CDH22: variants seen among roughly 807,000 people sequenced by gnomAD.
CDH22 encodes cadherin 22.
A neutral mutation model predicts 58.4 loss-of-function variants in CDH22; 30 were observed. That is an observed-to-expected ratio of 0.51 (90% confidence interval 0.38 to 0.70). The LOEUF is 0.70. Among genes scored for constraint, CDH22 ranks in the 30% least tolerant of loss-of-function variants. The probability of loss-of-function intolerance (pLI) is 0.00; values close to 1 mark genes in which losing one functional copy is unlikely to be tolerated. For synonymous variants in CDH22, 513 were observed against 558.2 expected, an observed-to-expected ratio of 0.92 and a Z score of 1.14; for missense variants, 1,014 against 1,233.9, an observed-to-expected ratio of 0.82 and a Z score of 2.67.
At chr20:46,282,273 G>C (rs1191489117) in intron 1 of CDH22, among the ~76,000 whole-genome samples, 1 of 152,232 alleles carries the variant, frequency 6.6e-6, no homozygotes, top group African/African-American at 2.4e-5. Context: ...TGGCAGGTTA[G>C]ATTCCACAGT....
In CDH22 at chr20:46,190,750, C is replaced by T. The variant is rs527386050; in HGVS notation, c.1424-3803G>A. Among the ~76,000 whole-genome samples, 213 of 152,268 alleles carry T rather than the reference C, an allele frequency of 1.4e-3. 2 individuals carry two copies. The South Asian group carries it at 0.031, about 22-fold the overall frequency. On this transcript the variant is annotated intron_variant, in intron 8 of 11. Coordinates refer to ENST00000537909, the MANE Select transcript of CDH22 (RefSeq NM_021248.3). ...AACCGATTCCTAAATTAAAATTAAACGTGCTTTGGCCCGGTGCTTCCTCCT... is the reference window on the plus strand; with the variant it reads ...AACCGATTCCTAAATTAAAATTAAATGTGCTTTGGCCCGGTGCTTCCTCCT...
intron 1 of CDH22, among the ~76,000 whole-genome samples, chr20:46,252,906 A>G (rs2425807): frequency 0.4 from 60,546 of 152,068 alleles, 12,339 homozygotes; most frequent in Middle Eastern, 0.64. Context: ...TAGGCGGGAG[A>G]CAATCAGGGT....
At chr20:46,304,611 C>T (rs1355138727) in intron 1 of CDH22, among the ~76,000 whole-genome samples, 1 of 152,196 alleles carries the variant, frequency 6.6e-6, no homozygotes, top group Admixed American at 6.5e-5. Flanking sequence ...CAGCCTAATC[C>T]CAATGTGACA....
chr20:46,294,220 G>A (rs1372926837), intron 1 of CDH22, among the ~76,000 whole-genome samples: 2 of 152,128 alleles, frequency 1.3e-5, no homozygotes, highest in East Asian at 1.9e-4. Context: ...ATTCAGCTGC[G>A]TCCTTCCTGT....
intron 1 of CDH22, among the ~76,000 whole-genome samples, chr20:46,271,602 T>G (rs1189326968): frequency 6.6e-6 from 1 of 152,112 alleles, no homozygotes; most frequent in Non-Finnish European, 1.5e-5. Flanking sequence ...TGCACCGAGA[T>G]GGCTTACTAA....
chr20:46,259,056 G>A (rs926789893), intron 1 of CDH22, among the ~76,000 whole-genome samples: 2 of 152,118 alleles, frequency 1.3e-5, no homozygotes, highest in Non-Finnish European at 2.9e-5. Context: ...GGCCAGATGT[G>A]GTCCCTGTTC....
chr20:46,249,979 T>G (rs1281145140), intron 2 of CDH22, among the ~76,000 whole-genome samples: 1 of 152,184 alleles, frequency 6.6e-6, no homozygotes, highest in East Asian at 1.9e-4. Flanking sequence ...TGGTGCTGAC[T>G]CATGAAGCTT....
chr20:46,213,035 G>A lies in CDH22; in HGVS notation c.992C>T (p.Thr331Ile), dbSNP rs1409714630. The A allele has an allele frequency of 1.2e-6, 2 of 1,614,208 alleles. No individual in the cohort carries two copies. Among genetic ancestry groups the A allele is most frequent in the Admixed American group, 1.7e-5 (1 of 60,024 alleles). Residue 331 changes from threonine to isoleucine, a missense_variant, in exon 6 of 12, where the codon ACA (threonine) becomes ATA (isoleucine). Thr to Ile is a moderately conservative substitution (Grantham distance 89). Transcript: ENST00000537909. The stretch of plus-strand genomic sequence containing the variant: ...GATGGCCTCCTGAGTGTCGCTGTCT[G>A]TGGTGACCTTGAACACATCGCCGCC... ...SSGGDVFKVTTDSDTQEAIIV... is the reference protein window; with the variant it reads ...SSGGDVFKVTIDSDTQEAIIV...
In CDH22 at chr20:46,255,391, A is replaced by G. The variant is rs144939719; in HGVS notation, c.-399-3698T>C. ...ATACATCATGACAAAGCAGTGCCTCAAACGTGGGACTTGGACTCCTCAGGC... is the reference window on the plus strand; with the variant it reads ...ATACATCATGACAAAGCAGTGCCTCGAACGTGGGACTTGGACTCCTCAGGC... On this transcript the variant is annotated intron_variant, in intron 1 of 11. Transcript: ENST00000537909. Among the ~76,000 whole-genome samples the G allele has an allele frequency of 3.1e-3, 476 of 152,338 alleles. 1 individual carries two copies. The highest frequency in any genetic ancestry group is 0.011 in the African/African-American group (458 of 41,588).
rs755119944 is a variant in CDH22 at position 46,241,227 on chromosome 20, C to T, written c.286G>A (p.Ala96Thr). 2.2e-5 allele frequency: 35 copies of T among 1,610,626 alleles called. No individual in the cohort carries two copies. In the Admixed American group the frequency reaches 2.5e-4, roughly 12 times the overall value. Reference protein sequence around the residue: ...IHSDSDEGDGAIKYTISGEGA... With the variant: ...IHSDSDEGDGTIKYTISGEGA... ...TCGCCTGAGATGGTGTACTTGATGG[C>T]CCCGTCACCCTCGTCTGAGTCGGAG... Residue 96 changes from alanine (A) to threonine (T), a missense_variant, in exon 3 of 12, where the codon GCC becomes ACC. Ala to Thr is a moderately conservative substitution (Grantham distance 58). Coordinates refer to ENST00000537909, the MANE Select transcript of CDH22 (RefSeq NM_021248.3). This position sits in a 1 kb window ranked among gnomAD's most constrained non-coding sequence, Gnocchi z 5.2.
intron 11 of CDH22, among the ~76,000 whole-genome samples, chr20:46,176,670 C>A (rs1444642417): frequency 6.6e-6 from 1 of 152,230 alleles, no homozygotes; most frequent in Non-Finnish European, 1.5e-5. Context: ...TGCTCACCAC[C>A]TAACAAGGTG....
chr20:46,199,359 T>TC, intron 8 of CDH22, 64 bp downstream of exon 8: 1 of 1,558,686 alleles, frequency 6.4e-7, no homozygotes. Context: ...CCTTGGCCCC[T>TC]CCCTTCAGCT....
chr20:46,239,182 C>G, intron 3 of CDH22, among the ~76,000 whole-genome samples: 1 of 152,212 alleles, frequency 6.6e-6, no homozygotes, highest in East Asian at 1.9e-4. Flanking sequence ...AATCTTCTGC[C>G]TTTTCACTGC....
At chr20:46,238,450 T>A (rs2086268970) in intron 3 of CDH22, among the ~76,000 whole-genome samples, 2 of 152,290 alleles carry the variant, frequency 1.3e-5, no homozygotes, top group South Asian at 4.2e-4. Context: ...TCCAAATTTA[T>A]CTCTCCAGCC....
At chr20:46,274,551 T>C (rs1251966182) in intron 1 of CDH22, among the ~76,000 whole-genome samples, 2 of 152,248 alleles carry the variant, frequency 1.3e-5, no homozygotes, top group Non-Finnish European at 2.9e-5. Context: ...AAATGTACTA[T>C]ACGATCCAGC....
At chr20:46,237,321 C>CCG (rs1354284651) in intron 3 of CDH22, among the ~76,000 whole-genome samples, 1 of 152,142 alleles carries the variant, frequency 6.6e-6, no homozygotes, top group African/African-American at 2.4e-5. Flanking sequence ...GGAGGCCCCC[C>CCG]GGCACACTTC....
intron 1 of CDH22, among the ~76,000 whole-genome samples, chr20:46,279,288 A>T (rs2425847): frequency 6.6e-6 from 1 of 152,100 alleles, no homozygotes; most frequent in East Asian, 1.9e-4. Context: ...CTCAGGAGTC[A>T]GTGTGAGAGA....
intron 3 of CDH22, among the ~76,000 whole-genome samples, chr20:46,228,261 C>T (rs955891002): frequency 1.3e-5 from 2 of 152,214 alleles, no homozygotes; most frequent in Non-Finnish European, 2.9e-5. Flanking sequence ...AGCACCCAGC[C>T]TTCCCTTTGG....
chr20:46,191,593 G>A (rs538252791), intron 8 of CDH22, among the ~76,000 whole-genome samples: 6 of 152,298 alleles, frequency 3.9e-5, no homozygotes, highest in East Asian at 3.9e-4. Flanking sequence ...TGTCAACCAC[G>A]GTGGGAGGCA....
Sources: allele counts gnomAD v4.1 joint callset (sites outside exome capture counted in the v4.1 genomes callset), GRCh38; gene constraint gnomAD v4.1.1; non-coding constraint Gnocchi (gnomAD v3.1); transcripts MANE v1.5; gene names NCBI Gene and HGNC (gene_info 2026-07-23, HGNC 2026-07-21).